KRTAP16-1: variants seen among roughly 807,000 people sequenced by gnomAD.
KRTAP16-1 encodes the protein keratin associated protein 16-1, also known as keratin-associated protein 16-1.
For missense variants in KRTAP16-1, 675 were observed against 657.7 expected (o/e 1.03, Z -0.29); for synonymous variants, 262 against 248.0 (o/e 1.06, Z -0.53).
Position 41,308,304 on chromosome 17 carries a change from C to T in KRTAP16-1, c.950G>A (p.Ser317Asn), listed in dbSNP as rs1237544315. The T allele has an allele frequency of 1.0e-5, 16 of 1,550,568 alleles. No individual in the cohort carries two copies. Among genetic ancestry groups the T allele is most frequent in the African/African-American group, 5.5e-5 (4 of 73,034 alleles). Residue 317 changes from serine to asparagine, a missense_variant, in exon 1 of 1, where the codon AGC becomes AAC. Ser to Asn is a conservative substitution (Grantham distance 46, BLOSUM62 1). Coordinates refer to ENST00000391352, the MANE Select transcript of KRTAP16-1 (RefSeq NM_001146182.2). The part of the protein sequence containing the change: ...SICQPICSEP[S>N]PCSPAVCVSS... ...CACACAGACAGCTGGTGAGCAGGGG[C>T]TGGGCTCAGAGCAGATGGGTTGGCA...
Position 41,307,954 on chromosome 17 carries a change from G to T in KRTAP16-1, c.1300C>A (p.Arg434Ser), listed in dbSNP as rs750432752. 1.3e-6 allele frequency: 2 copies of T among 1,550,646 alleles called. No individual in the cohort carries two copies. The highest frequency in any genetic ancestry group is 1.7e-6 in the Non-Finnish European group (2 of 1,147,010). The change falls in exon 1 of 1, where the codon CGC becomes AGC. Residue 434 changes from arginine to serine, a missense_variant. Coordinates refer to ENST00000391352, the MANE Select transcript of KRTAP16-1 (RefSeq NM_001146182.2). ...ACYRPCYSIL[R>S]RPACVTSYSC... ...TAGGAAGTGACACAGGCTGGGCGGC[G>T]CAGGATGGAGTAGCATGGGCGATAG... is the stretch of plus-strand genomic sequence containing the variant.
At position 41,308,369 on chromosome 17, in the gene KRTAP16-1, G is replaced by C; in HGVS notation, c.885C>G (p.Pro295=). The C allele has an allele frequency of 6.4e-7, 1 of 1,550,580 alleles. No homozygotes were observed. Residue 295 remains proline, a synonymous_variant, in exon 1 of 1, where the codon CCC becomes CCG. Coordinates refer to ENST00000391352, the MANE Select transcript of KRTAP16-1 (RefSeq NM_001146182.2). ...AACAAGAAGGCTCTTGGCAAGTGCT[G>C]GGGACAGAAGGTGGCTCGCACGAGC... The part of the protein sequence containing the change: ...VQSSCEPPSV[P]STCQEPSCCV...
At position 41,307,872 on chromosome 17, in the gene KRTAP16-1, C is replaced by T. The variant is rs544996455; in HGVS notation, c.1382G>A (p.Arg461Gln). The change falls in exon 1 of 1, where the codon CGG becomes CAG. Residue 461 changes from arginine to glutamine, a missense_variant. Physicochemically the swap from Arg to Gln is conservative, Grantham distance 43. Coordinates refer to ENST00000391352, the MANE Select transcript of KRTAP16-1 (RefSeq NM_001146182.2). ...GCTGGAAGTGGATTTTTTGCAATCCCGTTTGCAAGAGTCAGACTCAGTGCA... is the reference window on the plus strand; with the variant it reads ...GCTGGAAGTGGATTTTTTGCAATCCTGTTTGCAAGAGTCAGACTCAGTGCA... ...PSCTESDSCK[R>Q]DCKKSTSSQL... 2.1e-5 allele frequency: 33 copies of T among 1,550,614 alleles called. No individual in the cohort carries two copies. In the East Asian group the frequency reaches 7.3e-4, roughly 34 times the overall value.
chr17:41,308,501 G>A lies in KRTAP16-1; in HGVS notation c.753C>T (p.Pro251=). 2 of 1,550,396 alleles carry A rather than the reference G, an allele frequency of 1.3e-6. No individual in the cohort carries two copies. The highest frequency in any genetic ancestry group is 1.4e-5 in the African/African-American group (1 of 73,134). The change falls in exon 1 of 1, where the codon CCC becomes CCT. Residue 251 remains proline (P), a synonymous_variant. Coordinates refer to ENST00000391352, the MANE Select transcript of KRTAP16-1 (RefSeq NM_001146182.2). ...TSSCQAVCCD[P]SPCEPSCSES... ...CTGAGCAACTTGGCTCACAAGGGCT[G>A]GGGTCACAGCAGACAGCCTGGCAGC...
In KRTAP16-1 at chr17:41,307,958, G is replaced by C. The variant is rs1196691532; in HGVS notation, c.1296C>G (p.Ile432Met). 6 of 1,550,520 alleles carry C rather than the reference G, an allele frequency of 3.9e-6. No individual in the cohort carries two copies. The highest frequency in any genetic ancestry group is 5.2e-6 in the Non-Finnish European group (6 of 1,147,010). The change falls in exon 1 of 1, where the codon ATC (isoleucine) becomes ATG (methionine). Residue 432 changes from isoleucine to methionine, a missense_variant. Transcript: ENST00000391352. ...RPACYRPCYS[I>M]LRRPACVTSY... ...AAGTGACACAGGCTGGGCGGCGCAG[G>C]ATGGAGTAGCATGGGCGATAGCAGG...
At position 41,307,906 on chromosome 17, in the gene KRTAP16-1, G is replaced by A. The variant is rs528350835; in HGVS notation, c.1348C>T (p.Arg450Cys). 8.9e-5 allele frequency: 138 copies of A among 1,550,670 alleles called. No individual in the cohort carries two copies. The highest frequency in any genetic ancestry group is 2.2e-4 in the Admixed American group (11 of 51,002). Residue 450 changes from arginine (R) to cysteine (C), a missense_variant, in exon 1 of 1, where the codon CGC (arginine) becomes TGC (cysteine). Transcript: ENST00000391352. ...TSYSCRPVYF[R>C]PSCTESDSCK... ...GAGTCAGACTCAGTGCAAGATGGGCGGAAGTAGACTGGGCGGCAAGAGTAG... is the reference window on the plus strand; with the variant it reads ...GAGTCAGACTCAGTGCAAGATGGGCAGAAGTAGACTGGGCGGCAAGAGTAG...
chr17:41,308,367 C>G lies in KRTAP16-1; in HGVS notation c.887G>C (p.Ser296Thr), dbSNP rs569108757. ...QSSCEPPSVP[S>T]TCQEPSCCVS... ...ACAACAAGAAGGCTCTTGGCAAGTG[C>G]TGGGGACAGAAGGTGGCTCGCACGA... The change falls in exon 1 of 1, where the codon AGC (serine) becomes ACC (threonine). Residue 296 changes from serine (S) to threonine (T), a missense_variant. By Grantham distance (58) the Ser-to-Thr change is moderately conservative (BLOSUM62 1). Coordinates refer to ENST00000391352, the MANE Select transcript of KRTAP16-1 (RefSeq NM_001146182.2). 1.9e-6 allele frequency: 3 copies of G among 1,550,548 alleles called. No homozygotes were observed. In the East Asian group the frequency reaches 7.3e-5, roughly 38 times the overall value.
At position 41,308,116 on chromosome 17, in the gene KRTAP16-1, G is replaced by C; in HGVS notation, c.1138C>G (p.Pro380Ala). The C allele has an allele frequency of 6.4e-7, 1 of 1,550,646 alleles. No individual in the cohort carries two copies. The highest frequency in any genetic ancestry group is 8.7e-7 in the Non-Finnish European group (1 of 1,147,012). ...RPTCPRTFYI[P>A]SSSKRPCSAT... ...CTGCAAGGCCGTTTGCTGGAACTGG[G>C]TATGTAGAAAGTCCTAGGACAAGTT... Residue 380 changes from proline (P) to alanine (A), a missense_variant, in exon 1 of 1, where the codon CCC becomes GCC. Transcript: ENST00000391352.
In KRTAP16-1 at chr17:41,308,723, A is replaced by G. The variant is rs2016942211; in HGVS notation, c.531T>C (p.Thr177=). 1 of 1,550,600 alleles carries G rather than the reference A, an allele frequency of 6.4e-7. No homozygotes were observed. Among genetic ancestry groups the G allele is most frequent in the Non-Finnish European group, 8.7e-7 (1 of 1,146,986 alleles). Residue 177 remains threonine (T), a synonymous_variant, in exon 1 of 1, where the codon ACT becomes ACC. Transcript: ENST00000391352. The part of the protein sequence containing the change: ...SCCQPVGSEA[T]SCQPVLCVPT... ...GCACACAGAGGACTGGTTGGCAGGAAGTGGCTTCAGAGCCTACAGGCTGGC... is the reference window on the plus strand; with the variant it reads ...GCACACAGAGGACTGGTTGGCAGGAGGTGGCTTCAGAGCCTACAGGCTGGC...
chr17:41,309,103 A>G lies in KRTAP16-1; in HGVS notation c.151T>C (p.Ser51Pro), dbSNP rs1008563197. The change falls in exon 1 of 1, where the codon TCA becomes CCA. Residue 51 changes from serine to proline, a missense_variant. By Grantham distance (74) the Ser-to-Pro change is moderately conservative. Transcript: ENST00000391352. The part of the protein sequence containing the change: ...QLVTCQDSCG[S>P]SSCGPQCRQP... ...CGGCACTGTGGCCCACAGCTGGATG[A>G]TCCACAGCTGTCTTGACAAGTCACC... The G allele has an allele frequency of 1.0e-4, 158 of 1,550,522 alleles. 1 individual carries two copies. Among genetic ancestry groups the G allele is most frequent in the Non-Finnish European group, 1.3e-4 (148 of 1,147,000 alleles).
rs2016942575 is a variant in KRTAP16-1 at position 41,308,742 on chromosome 17, G to A, written c.512C>T (p.Pro171Leu). ...PSCSVSSCCQ[P>L]VGSEATSCQP... ...GCAGGAAGTGGCTTCAGAGCCTACA[G>A]GCTGGCAGCAGCTGCTCACGGAGCA... Residue 171 changes from proline (P) to leucine (L), a missense_variant, in exon 1 of 1, where the codon CCT (proline) becomes CTT (leucine). Transcript: ENST00000391352. The A allele has an allele frequency of 1.3e-6, 2 of 1,550,706 alleles. No individual in the cohort carries two copies. The highest frequency in any genetic ancestry group is 1.7e-6 in the Non-Finnish European group (2 of 1,147,010).
In KRTAP16-1 at chr17:41,307,935, G is replaced by A; in HGVS notation, c.1319C>T (p.Thr440Ile). ...GTAGACTGGGCGGCAAGAGTAGGAAGTGACACAGGCTGGGCGGCGCAGGAT... is the reference window on the plus strand; with the variant it reads ...GTAGACTGGGCGGCAAGAGTAGGAAATGACACAGGCTGGGCGGCGCAGGAT... ...YSILRRPACV[T>I]SYSCRPVYFR... Residue 440 changes from threonine (T) to isoleucine (I), a missense_variant, in exon 1 of 1, where the codon ACT becomes ATT. Thr to Ile is a moderately conservative substitution (Grantham distance 89). Transcript: ENST00000391352. The A allele has an allele frequency of 6.4e-7, 1 of 1,550,736 alleles. No homozygotes were observed. The highest frequency in any genetic ancestry group is 8.7e-7 in the Non-Finnish European group (1 of 1,147,016).
chr17:41,309,226 A>G lies in KRTAP16-1; in HGVS notation c.28T>C (p.Cys10Arg), dbSNP rs1013413813. 7.8e-6 allele frequency: 12 copies of G among 1,538,830 alleles called. No individual in the cohort carries two copies. Among genetic ancestry groups the G allele is most frequent in the Middle Eastern group, 1.7e-4 (1 of 5,942 alleles). ...AGAGAGGTGGCTGGCACGGAGAAGC[A>G]TTTCCTAGAAGAGCAACTGCCAGAC... The part of the protein sequence containing the change: MSGSCSSRK[C>R]FSVPATSLCS... Residue 10 changes from cysteine (C) to arginine (R), a missense_variant, in exon 1 of 1, where the codon TGC becomes CGC. By Grantham distance (180) the Cys-to-Arg change is radical. Coordinates refer to ENST00000391352, the MANE Select transcript of KRTAP16-1 (RefSeq NM_001146182.2).
rs1284155760 is a variant in KRTAP16-1, at chr17:41,307,952, G to A, written c.1302C>T (p.Arg434=). 2.6e-5 allele frequency: 41 copies of A among 1,550,552 alleles called. No homozygotes were observed. The highest frequency in any genetic ancestry group is 3.3e-5 in the Non-Finnish European group (38 of 1,147,022). Residue 434 remains arginine, a synonymous_variant, in exon 1 of 1, where the codon CGC becomes CGT. Transcript: ENST00000391352. ...ACYRPCYSIL[R]RPACVTSYSC... is the part of the protein sequence containing the mutation. ...AGTAGGAAGTGACACAGGCTGGGCG[G>A]CGCAGGATGGAGTAGCATGGGCGAT...
rs2016922600 is a variant in KRTAP16-1 at position 41,307,811 on chromosome 17, C to A, written c.1443G>T (p.Val481=). Residue 481 remains valine, a synonymous_variant, in exon 1 of 1, where the codon GTG becomes GTT. Transcript: ENST00000391352. The part of the protein sequence containing the change: ...LDCVDTTPCK[V]DVSEEAPCQP... ...GGCAGGGAGCCTCTTCTGAGACATC[C>A]ACCTTGCAGGGGGTTGTGTCAACAC... The A allele has an allele frequency of 6.4e-7, 1 of 1,550,742 alleles. No homozygotes were observed.
Position 41,308,167 on chromosome 17 carries a change from A to G in KRTAP16-1, c.1087T>C (p.Ser363Pro). Residue 363 changes from serine (S) to proline (P), a missense_variant, in exon 1 of 1, where the codon TCT becomes CCT. Transcript: ENST00000391352. ...GGTCGGCAGATGGCAGATGCAGAAG[A>G]CCCTGGACTGCAGGAAAGAGGTCGG... The part of the protein sequence containing the change: ...SCRPLSCSPG[S>P]SASAICRPTC... The G allele has an allele frequency of 6.4e-7, 1 of 1,550,592 alleles. No homozygotes were observed. The highest frequency in any genetic ancestry group is 8.7e-7 in the Non-Finnish European group (1 of 1,146,988).
rs2016953518 is a variant in KRTAP16-1 at position 41,309,292 on chromosome 17, A to G, written c.-39T>C. 2.1e-6 allele frequency: 3 copies of G among 1,428,780 alleles called. No individual in the cohort carries two copies. Among genetic ancestry groups the G allele is most frequent in the Non-Finnish European group, 1.9e-6 (2 of 1,063,426 alleles). 88.5% of individuals were successfully genotyped at this position (1,428,780 alleles called of 1,614,324 possible). On this transcript the variant is annotated 5_prime_UTR_variant, in exon 1 of 1. Coordinates refer to ENST00000391352, the MANE Select transcript of KRTAP16-1 (RefSeq NM_001146182.2). ...GTGCTTCCTTGTGCTGAGTGCTGAG[A>G]GGTTGCTGCCTCACTGTGACAGCTC...
chr17:41,309,206 G>C lies in KRTAP16-1; in HGVS notation c.48C>G (p.Thr16=). The C allele has an allele frequency of 6.5e-7, 1 of 1,545,936 alleles. No homozygotes were observed. The highest frequency in any genetic ancestry group is 8.7e-7 in the Non-Finnish European group (1 of 1,143,866). Residue 16 remains threonine, a synonymous_variant, in exon 1 of 1, where the codon ACC becomes ACG. Coordinates refer to ENST00000391352, the MANE Select transcript of KRTAP16-1 (RefSeq NM_001146182.2). ...SSRKCFSVPA[T]SLCSTEVSCG... is the part of the protein sequence containing the mutation. ...AGCTCACCTCAGTGGAGCAGAGAGA[G>C]GTGGCTGGCACGGAGAAGCATTTCC...
rs2016937614 is a variant in KRTAP16-1, at chr17:41,308,473, A to C, written c.781T>G (p.Ser261Ala). 1 of 1,550,246 alleles carries C rather than the reference A, an allele frequency of 6.5e-7. No individual in the cohort carries two copies. Among genetic ancestry groups the C allele is most frequent in the Non-Finnish European group, 8.7e-7 (1 of 1,146,706 alleles). Residue 261 changes from serine (S) to alanine (A), a missense_variant, in exon 1 of 1, where the codon TCT becomes GCT. Coordinates refer to ENST00000391352, the MANE Select transcript of KRTAP16-1 (RefSeq NM_001146182.2). ...PSPCEPSCSE[S>A]SICQPATCVA... The stretch of plus-strand genomic sequence containing the variant: ...CACGTAGCTGGCTGGCAGATGCTAG[A>C]CTCTGAGCAACTTGGCTCACAAGGG...
Sources: gnomAD v4.1 joint callset for allele counts on GRCh38, gnomAD v4.1.1 for gene constraint, MANE v1.5 for transcripts, NCBI Gene and HGNC (gene_info 2026-07-23, HGNC 2026-07-21) for gene names.